The following FNDC3B variants were observed in gnomAD, a reference collection of about 807,000 sequenced individuals.
FNDC3B encodes fibronectin type III domain-containing protein 3B.
In FNDC3B, 12 loss-of-function variants were observed where a neutral mutation model predicts 151.5. The ratio of observed to expected loss-of-function variants is 0.08; its 90% confidence interval spans 0.05 to 0.13. The LOEUF is 0.13. FNDC3B is among the 10% of genes least tolerant of loss of function. The probability of loss-of-function intolerance (pLI) is 1.00; values close to 1 mark genes in which losing one functional copy is unlikely to be tolerated. For synonymous variants in FNDC3B, 528 were observed against 549.0 expected, an observed-to-expected ratio of 0.96 and a Z score of 0.54; for missense variants, 1,214 against 1,505.3, an observed-to-expected ratio of 0.81 and a Z score of 3.20.
intron 10 of FNDC3B, among the ~76,000 whole-genome samples, chr3:172,308,580 G>T (rs1731309414): frequency 6.6e-6 from 1 of 152,180 alleles, no homozygotes. Flanking sequence ...TGAGAGTAGT[G>T]GTTAGCAGCA....
chr3:172,226,834 T>G, intron 3 of FNDC3B, 37 bp from the exon 4 acceptor site: 1 of 1,242,730 alleles, frequency 8.0e-7, no homozygotes, highest in Non-Finnish European at 1.2e-6. Context: ...ATAATGTATG[T>G]TTCTTCAGCT....
At chr3:172,128,304 A>G (rs1720903867) in intron 2 of FNDC3B, among the ~76,000 whole-genome samples, 1 of 152,232 alleles carries the variant, frequency 6.6e-6, no homozygotes, top group Admixed American at 6.5e-5. Flanking sequence ...TTACTTGCTT[A>G]TGTTTTTAAT....
intron 16 of FNDC3B, among the ~76,000 whole-genome samples, chr3:172,339,719 A>C (rs915585222): frequency 2.0e-5 from 3 of 152,204 alleles, no homozygotes; most frequent in Non-Finnish European, 4.4e-5. Context: ...TTAGCTACTG[A>C]TGACAAATCA....
chr3:172,143,679 G>A (rs1721746759), intron 3 of FNDC3B, among the ~76,000 whole-genome samples: 1 of 152,090 alleles, frequency 6.6e-6, no homozygotes, highest in Non-Finnish European at 1.5e-5. Context: ...GGGAGGCCGA[G>A]GCGGGCGGAT....
intron 6 of FNDC3B, among the ~76,000 whole-genome samples, chr3:172,270,120 T>C (rs1480438275): frequency 6.6e-6 from 1 of 152,244 alleles, no homozygotes; most frequent in Non-Finnish European, 1.5e-5. Flanking sequence ...TTCATTAAAT[T>C]TGACTGTTTT....
At chr3:172,111,958 A>G (rs1411084061) in intron 1 of FNDC3B, among the ~76,000 whole-genome samples, 1 of 152,178 alleles carries the variant, frequency 6.6e-6, no homozygotes, top group Non-Finnish European at 1.5e-5. Context: ...TTTGCCATAT[A>G]TTTTGGGCAT....
At chr3:172,308,105 A>T (rs1034559963) in intron 10 of FNDC3B, among the ~76,000 whole-genome samples, 3 of 152,228 alleles carry the variant, frequency 2.0e-5, no homozygotes, top group African/African-American at 7.2e-5. Flanking sequence ...ACATAAAACA[A>T]CCTAGAACAT....
intron 1 of FNDC3B, among the ~76,000 whole-genome samples, chr3:172,055,158 ATCC>A (rs993593449): frequency 1.3e-5 from 2 of 152,180 alleles, no homozygotes; most frequent in Non-Finnish European, 2.9e-5. Context: ...TCTTTAAAAA[ATCC>A]TCCTTCTTTT....
At chr3:172,075,961 C>A (rs1005062746) in intron 1 of FNDC3B, among the ~76,000 whole-genome samples, 7 of 152,124 alleles carry the variant, frequency 4.6e-5, no homozygotes, top group African/African-American at 1.4e-4. Flanking sequence ...AGAACACATT[C>A]GTTTCTTCTT....
chr3:172,337,876 G>A (rs1339375477), intron 16 of FNDC3B: 3 of 158,804 alleles, frequency 1.9e-5, no homozygotes, highest in African/African-American at 7.2e-5. Flanking sequence ...CAAACTCCTG[G>A]CCTCAAGCAA....
chr3:172,076,615 A>T (rs1718023256), intron 1 of FNDC3B, among the ~76,000 whole-genome samples: 1 of 152,172 alleles, frequency 6.6e-6, no homozygotes, highest in African/African-American at 2.4e-5. Context: ...ATTTTTAATT[A>T]ATTTATTTTT....
intron 3 of FNDC3B, among the ~76,000 whole-genome samples, chr3:172,196,454 G>A (rs993218703): frequency 3.9e-5 from 6 of 152,026 alleles, no homozygotes; most frequent in African/African-American, 1.4e-4. Context: ...CCAAAGTACT[G>A]GGATTAGAGT....
At chr3:172,277,673 A>G (rs1189269536) in intron 6 of FNDC3B, among the ~76,000 whole-genome samples, 1 of 152,192 alleles carries the variant, frequency 6.6e-6, no homozygotes, top group Non-Finnish European at 1.5e-5. Context: ...GCAATTTCAC[A>G]TAAAATTTTG....
At chr3:172,157,452 C>T (rs886917878) in intron 3 of FNDC3B, among the ~76,000 whole-genome samples, 5 of 152,078 alleles carry the variant, frequency 3.3e-5, no homozygotes, top group Admixed American at 6.6e-5. Flanking sequence ...GTACAGTCCA[C>T]GGAACTCATT....
chr3:172,268,907 G>A (rs1008700650), intron 6 of FNDC3B, among the ~76,000 whole-genome samples: 4 of 152,256 alleles, frequency 2.6e-5, no homozygotes, highest in Admixed American at 6.5e-5. Context: ...ATTTAAATGA[G>A]AAAAATAAAG....
intron 1 of FNDC3B, among the ~76,000 whole-genome samples, chr3:172,097,055 T>C (rs1719124657): frequency 6.6e-6 from 1 of 152,202 alleles, no homozygotes; most frequent in African/African-American, 2.4e-5. Context: ...TTAGTACAGC[T>C]AAGTAAGTAT....
chr3:172,397,242 TGTC>T lies in FNDC3B; in HGVS notation c.3387_3389del (p.Arg1130del). 1 of 1,614,178 alleles carries T rather than the reference TGTC, an allele frequency of 6.2e-7. No individual in the cohort carries two copies. ...AGACTACAGGTTCCGCGTATGTGCG[TGTC>T]GTCGCTGTTTAGACACCTCTCAGGA... is the stretch of plus-strand genomic sequence containing the variant. On this transcript the variant is annotated inframe_deletion, in exon 26 of 26. Coordinates refer to ENST00000415807, the MANE Select transcript of FNDC3B (RefSeq NM_022763.4).
chr3:172,389,701 TAA>T (rs1735905968), intron 25 of FNDC3B, among the ~76,000 whole-genome samples: 1 of 151,868 alleles, frequency 6.6e-6, no homozygotes, highest in Admixed American at 6.6e-5. Context: ...CTGTCTCTAC[TAA>T]AAATACAAAA....
chr3:172,324,472 G>A (rs562261580), intron 11 of FNDC3B, among the ~76,000 whole-genome samples: 2 of 152,300 alleles, frequency 1.3e-5, no homozygotes, highest in African/African-American at 2.4e-5. Context: ...AACAACCCAC[G>A]TTTGCAATGC....
Sources: gnomAD v4.1 joint callset for allele counts (sites outside exome capture counted in the v4.1 genomes callset) on GRCh38, gnomAD v4.1.1 for gene constraint, MANE v1.5 for transcripts, NCBI Gene and HGNC (gene_info 2026-07-23, HGNC 2026-07-21) for gene names.